The following SORCS1 variants were observed in gnomAD, a reference collection of about 807,000 sequenced individuals.
SORCS1 encodes the protein VPS10 domain-containing receptor SorCS1.
SORCS1 carries 60 observed loss-of-function variants against 146.1 expected under a neutral mutation model. That is an observed-to-expected ratio of 0.41 (90% CI 0.33 to 0.51). The LOEUF is 0.51. SORCS1 is among the 20% of genes least tolerant of loss of function. The pLI is 0.21. For synonymous variants in SORCS1, 637 were observed against 584.0 expected, an observed-to-expected ratio of 1.09 and a Z score of -1.31; for missense variants, 1,352 against 1,487.6, an observed-to-expected ratio of 0.91 and a Z score of 1.50.
chr10:106,982,133 G>T (rs575186915), intron 1 of SORCS1, among the ~76,000 whole-genome samples: 2 of 152,254 alleles, frequency 1.3e-5, no homozygotes, highest in Non-Finnish European at 2.9e-5. Flanking sequence ...CGTAGTCTTC[G>T]ATTAGATTGT....
chr10:106,616,920 GA>G (rs1266702961), intron 21 of SORCS1, among the ~76,000 whole-genome samples: 2 of 149,646 alleles, frequency 1.3e-5, no homozygotes, highest in Non-Finnish European at 3.0e-5. Flanking sequence ...TTTGGACCAC[GA>G]GCTAGGCTGT....
rs535169699 is a variant in SORCS1, at chr10:106,622,890, C to T, written c.2663-2329G>A. ...GTTTGAAAGAACCTTTCCAGTCAAA[C>T]AAAATAGCTATTAAGAGTTGCTGCC... On this transcript the variant is annotated intron_variant, in intron 19 of 25. Transcript: ENST00000263054. Among the ~76,000 whole-genome samples the T allele has an allele frequency of 1.6e-4, 25 of 152,310 alleles. No individual in the cohort carries two copies. In the South Asian group the frequency reaches 5.0e-3, roughly 30 times the overall value.
At chr10:106,733,723 T>C (rs1304118823) in intron 5 of SORCS1, among the ~76,000 whole-genome samples, 1 of 152,206 alleles carries the variant, frequency 6.6e-6, no homozygotes, top group African/African-American at 2.4e-5. Flanking sequence ...GAACTCTTCA[T>C]GGTCTTACTT....
At chr10:106,899,271 T>C (rs1951606134) in intron 2 of SORCS1, among the ~76,000 whole-genome samples, 1 of 152,180 alleles carries the variant, frequency 6.6e-6, no homozygotes, top group Non-Finnish European at 1.5e-5. Context: ...GATTTAACAA[T>C]ATGGGTTTGG....
At chr10:106,799,286 A>G (rs1946748455) in intron 3 of SORCS1, among the ~76,000 whole-genome samples, 1 of 152,232 alleles carries the variant, frequency 6.6e-6, no homozygotes, top group African/African-American at 2.4e-5. Flanking sequence ...CCTAGAAGAA[A>G]ACCTAGGCAA....
intron 2 of SORCS1, among the ~76,000 whole-genome samples, chr10:106,848,937 G>T (rs1022382842): frequency 0.022 from 3,255 of 150,376 alleles, 132 homozygotes; most frequent in African/African-American, 0.075. Flanking sequence ...GGCTTGTAGG[G>T]TTTCTGCCGA....
chr10:107,004,740 G>C (rs1957370476), intron 1 of SORCS1, among the ~76,000 whole-genome samples: 1 of 152,030 alleles, frequency 6.6e-6, no homozygotes, highest in Admixed American at 6.6e-5. Flanking sequence ...TCTTCTATAG[G>C]TCCATACTTT....
chr10:106,709,383 GA>G (rs1428430122), intron 6 of SORCS1, 42 bp from the exon 7 acceptor site: 1 of 1,266,722 alleles, frequency 7.9e-7, no homozygotes, highest in African/African-American at 1.5e-5. Flanking sequence ...GGTTGAGGGG[GA>G]TATACAGACA....
intron 1 of SORCS1, among the ~76,000 whole-genome samples, chr10:106,987,467 G>T (rs1956531460): frequency 6.6e-6 from 1 of 152,144 alleles, no homozygotes; most frequent in Non-Finnish European, 1.5e-5. Context: ...TCATTCTTGG[G>T]ACTTCTCCAC....
intron 2 of SORCS1, among the ~76,000 whole-genome samples, chr10:106,933,030 A>G (rs926348100): frequency 3.3e-5 from 5 of 152,340 alleles, no homozygotes; most frequent in African/African-American, 9.6e-5. Flanking sequence ...TTACCTGGAC[A>G]GCACGATCGT....
chr10:106,764,720 T>C (rs1859418567), intron 4 of SORCS1, among the ~76,000 whole-genome samples: 1 of 152,108 alleles, frequency 6.6e-6, no homozygotes, highest in African/African-American at 2.4e-5. Context: ...TGCCGTGTCA[T>C]GAACTTAAAA....
chr10:106,854,168 T>C (rs548133512), intron 2 of SORCS1, among the ~76,000 whole-genome samples: 1 of 152,198 alleles, frequency 6.6e-6, no homozygotes, highest in East Asian at 1.9e-4. Flanking sequence ...TCATGTCTTC[T>C]TGGCATATTG....
chr10:106,992,803 T>A (rs2139503943), intron 1 of SORCS1, among the ~76,000 whole-genome samples: 1 of 147,234 alleles, frequency 6.8e-6, no homozygotes, highest in Middle Eastern at 3.5e-3. Context: ...GCCGAGCTAA[T>A]TTCTTTCTTC....
intron 3 of SORCS1, among the ~76,000 whole-genome samples, chr10:106,813,765 T>C (rs1265478073): frequency 6.6e-6 from 1 of 152,058 alleles, no homozygotes; most frequent in Non-Finnish European, 1.5e-5. Flanking sequence ...GGAGACCATG[T>C]ACCTACAAAA....
chr10:106,728,390 C>T (rs1474607930), intron 6 of SORCS1, among the ~76,000 whole-genome samples: 3 of 152,194 alleles, frequency 2.0e-5, no homozygotes, highest in South Asian at 2.1e-4. Context: ...GACGTCACCA[C>T]CAGAGCGAGC....
rs1467021416 is a variant in SORCS1 at position 107,046,930 on chromosome 10, A to G, written c.559-90350T>C. Reference sequence around the variant, plus strand: ...TGGTGGCTACATATTTGGATTTCATAAAGTTTCCAGGAAAGGATCATCTGG... The same window carrying G: ...TGGTGGCTACATATTTGGATTTCATGAAGTTTCCAGGAAAGGATCATCTGG... On this transcript the variant is annotated intron_variant, in intron 1 of 25. Coordinates refer to ENST00000263054, the MANE Select transcript of SORCS1 (RefSeq NM_052918.5). Among the ~76,000 whole-genome samples the G allele has an allele frequency of 5.3e-5, 8 of 152,196 alleles. 1 individual carries two copies. Among genetic ancestry groups the G allele is most frequent in the Non-Finnish European group, 1.0e-4 (7 of 68,016 alleles).
chr10:107,151,598 C>T (rs1227975913), intron 1 of SORCS1, among the ~76,000 whole-genome samples: 2 of 152,124 alleles, frequency 1.3e-5, no homozygotes, highest in African/African-American at 4.8e-5. Context: ...AAGACCAACC[C>T]CCATGATTCC....
chr10:106,591,616 A>G (rs1216945555), intron 24 of SORCS1, among the ~76,000 whole-genome samples: 1 of 152,240 alleles, frequency 6.6e-6, no homozygotes, highest in Non-Finnish European at 1.5e-5. Flanking sequence ...TGCTAGGTAA[A>G]ATGATGAAGA....
chr10:107,037,107 GC>G (rs1958938035), intron 1 of SORCS1, among the ~76,000 whole-genome samples: 1 of 152,080 alleles, frequency 6.6e-6, no homozygotes, highest in Admixed American at 6.6e-5. Flanking sequence ...TTAGCTGGGC[GC>G]GGTGGAACAC....
Sources: allele counts gnomAD v4.1 joint callset (sites outside exome capture counted in the v4.1 genomes callset), GRCh38; gene constraint gnomAD v4.1.1; transcripts MANE v1.5; gene names NCBI Gene and HGNC (gene_info 2026-07-23, HGNC 2026-07-21).